HS2ST1: variants seen among roughly 807,000 people sequenced by gnomAD.
The protein encoded by HS2ST1 is 2-O-sulfotransferase.
A neutral mutation model predicts 42.9 loss-of-function variants in HS2ST1; 18 were observed. The observed-to-expected ratio is 0.42, with a 90% CI of 0.29 to 0.62. HS2ST1 has a LOEUF of 0.62. Ranked by LOEUF, HS2ST1 falls within the 20% of genes least tolerant of loss-of-function variation. The probability of loss-of-function intolerance (pLI) is 0.21; values close to 1 mark genes in which losing one functional copy is unlikely to be tolerated. For missense variants in HS2ST1, 334 were observed against 433.8 expected, an observed-to-expected ratio of 0.77 and a Z score of 2.04; for synonymous variants, 146 against 152.9, an observed-to-expected ratio of 0.95 and a Z score of 0.33.
Position 87,103,480 on chromosome 1 carries a change from T to C in HS2ST1, c.735T>C (p.Ile245=), listed in dbSNP as rs962623410. Residue 245 remains isoleucine (I), a synonymous_variant, in exon 6 of 7, where the codon ATT becomes ATC. Coordinates refer to ENST00000370550, the MANE Select transcript of HS2ST1 (RefSeq NM_012262.4). ...TGGATCAAGCCAAGTATAACCTAAT[T>C]AATGAATATTTTCTGGTGGGAGTTA... ...WAMDQAKYNL[I]NEYFLVGVTE... 1.2e-5 allele frequency: 19 copies of C among 1,612,970 alleles called. No homozygotes were observed. Among genetic ancestry groups the C allele is most frequent in the Non-Finnish European group, 1.6e-5 (19 of 1,179,570 alleles).
intron 1 of HS2ST1, among the ~76,000 whole-genome samples, chr1:87,003,076 T>C (rs1649338749): frequency 6.6e-6 from 1 of 152,240 alleles, no homozygotes; most frequent in African/African-American, 2.4e-5. Context: ...CAGATCCCAG[T>C]CCAGACTAGA....
chr1:86,946,993 A>G (rs1386159115), intron 1 of HS2ST1, among the ~76,000 whole-genome samples: 2 of 152,206 alleles, frequency 1.3e-5, no homozygotes, highest in East Asian at 1.9e-4. Flanking sequence ...ACAGGATAGT[A>G]ATTATGGATA....
intron 1 of HS2ST1, among the ~76,000 whole-genome samples, chr1:86,926,286 C>T (rs903366399): frequency 6.6e-6 from 1 of 152,232 alleles, no homozygotes; most frequent in African/African-American, 2.4e-5. Flanking sequence ...CACATATACA[C>T]TGAGAGGTAC....
intron 4 of HS2ST1, among the ~76,000 whole-genome samples, chr1:87,094,209 G>A (rs188430688): frequency 4.6e-5 from 7 of 151,906 alleles, no homozygotes; most frequent in Non-Finnish European, 7.4e-5. Context: ...TAATATTAGC[G>A]TCGGTGTTGG....
At chr1:86,936,502 G>C (rs1056252001) in intron 1 of HS2ST1, among the ~76,000 whole-genome samples, 10 of 152,082 alleles carry the variant, frequency 6.6e-5, no homozygotes, top group African/African-American at 2.2e-4. Context: ...GCTTTACCAA[G>C]TTTCAGGAGT....
chr1:87,044,830 T>A (rs1650605582), intron 1 of HS2ST1: 1 of 662,750 alleles, frequency 1.5e-6, no homozygotes, highest in Non-Finnish European at 2.5e-6. Context: ...AAGTCACTGG[T>A]GTCCATTTTT....
chr1:87,039,802 T>C (rs180745303), intron 1 of HS2ST1, among the ~76,000 whole-genome samples: 114 of 152,248 alleles, frequency 7.5e-4, no homozygotes, highest in Non-Finnish European at 1.5e-3. Context: ...GAAGATACCA[T>C]ACGTAAAGTT....
intron 1 of HS2ST1, among the ~76,000 whole-genome samples, chr1:86,955,790 G>A (rs1363304437): frequency 6.6e-6 from 1 of 152,134 alleles, no homozygotes; most frequent in African/African-American, 2.4e-5. Context: ...TTTGGGACCA[G>A]CCTAGGCAAC....
chr1:86,955,919 G>A (rs1217391793), intron 1 of HS2ST1, among the ~76,000 whole-genome samples: 1 of 152,156 alleles, frequency 6.6e-6, no homozygotes, highest in Non-Finnish European at 1.5e-5. Context: ...TCCTGGAGGG[G>A]TGGAGGTTGA....
At chr1:87,076,935 A>C (rs1016352636) in intron 2 of HS2ST1, among the ~76,000 whole-genome samples, 4 of 152,192 alleles carry the variant, frequency 2.6e-5, no homozygotes, top group African/African-American at 7.2e-5. Flanking sequence ...ACTTTAGGTT[A>C]TCTGCGTTAG....
intron 1 of HS2ST1, among the ~76,000 whole-genome samples, chr1:86,942,388 A>G (rs1034758275): frequency 1.3e-5 from 2 of 152,248 alleles, no homozygotes; most frequent in Non-Finnish European, 2.9e-5. Flanking sequence ...TTAACAGTGC[A>G]GTTAAAATAG....
intron 2 of HS2ST1, among the ~76,000 whole-genome samples, chr1:87,077,022 A>T (rs1651562891): frequency 6.6e-6 from 1 of 152,208 alleles, no homozygotes; most frequent in Non-Finnish European, 1.5e-5. Context: ...TATAATGTGT[A>T]TGCTAATCAC....
intron 1 of HS2ST1, among the ~76,000 whole-genome samples, chr1:87,071,634 C>T (rs1651407295): frequency 6.7e-6 from 1 of 150,218 alleles, no homozygotes; most frequent in Admixed American, 6.7e-5. Flanking sequence ...TAGGCTGAGG[C>T]AGAGAATTGC....
chr1:86,971,938 C>A (rs1279702083), intron 1 of HS2ST1, among the ~76,000 whole-genome samples: 1 of 152,152 alleles, frequency 6.6e-6, no homozygotes, highest in Non-Finnish European at 1.5e-5. Flanking sequence ...AATAGTTTAA[C>A]CTTCAACTTT....
intron 1 of HS2ST1, among the ~76,000 whole-genome samples, chr1:87,029,644 A>G (rs1034739379): frequency 1.3e-5 from 2 of 152,200 alleles, no homozygotes; most frequent in South Asian, 2.1e-4. Context: ...TCTTTTTCCT[A>G]TGGGAAAATT....
intron 5 of HS2ST1, among the ~76,000 whole-genome samples, chr1:87,101,261 G>A (rs930634732): frequency 2.0e-5 from 3 of 147,548 alleles, no homozygotes; most frequent in Non-Finnish European, 3.0e-5. Context: ...CGCCTCCCGG[G>A]CTCAGGCAAT....
intron 1 of HS2ST1, among the ~76,000 whole-genome samples, chr1:87,021,170 A>G (rs1187193445): frequency 3.9e-5 from 6 of 152,160 alleles, no homozygotes; most frequent in Non-Finnish European, 8.8e-5. Context: ...AATTACCAGC[A>G]GGCCTTGTCC....
chr1:87,090,942 A>G (rs1440270707), intron 3 of HS2ST1, among the ~76,000 whole-genome samples: 1 of 151,998 alleles, frequency 6.6e-6, no homozygotes, highest in Non-Finnish European at 1.5e-5. Flanking sequence ...ACATAAGACT[A>G]GTGATGTCTT....
intron 1 of HS2ST1, among the ~76,000 whole-genome samples, chr1:87,010,813 A>G (rs903326842): frequency 4.0e-5 from 6 of 151,274 alleles, no homozygotes; most frequent in Non-Finnish European, 8.8e-5. Context: ...GTTTTGAGAC[A>G]GAGTCTCTGT....
Sources: gnomAD v4.1 joint callset for allele counts (sites outside exome capture counted in the v4.1 genomes callset) on GRCh38, gnomAD v4.1.1 for gene constraint, MANE v1.5 for transcripts, NCBI Gene and HGNC (gene_info 2026-07-23, HGNC 2026-07-21) for gene names.